ATP8A1: variants seen among roughly 807,000 people sequenced by gnomAD.
ATP8A1 encodes the protein ATPase phospholipid transporting 8A1.
A neutral mutation model predicts 177.7 loss-of-function variants in ATP8A1; 90 were observed. The observed-to-expected ratio is 0.51, with a 90% CI of 0.43 to 0.60. The LOEUF (loss-of-function observed/expected upper bound fraction) is 0.60, where lower values mean the gene tolerates loss of function less well. ATP8A1 is among the 20% of genes least tolerant of loss of function. The pLI, the probability that ATP8A1 is intolerant of heterozygous loss-of-function variation, is 0.00. For synonymous variants in ATP8A1, 493 were observed against 485.9 expected (o/e 1.01, Z -0.19); for missense variants, 1,072 against 1,392.8 (o/e 0.77, Z 3.67).
At chr4:42,493,566 G>C (rs1202293302) in intron 24 of ATP8A1, among the ~76,000 whole-genome samples, 1 of 152,086 alleles carries the variant, frequency 6.6e-6, no homozygotes, top group Non-Finnish European at 1.5e-5. Flanking sequence ...CTTCGCCAGA[G>C]TTATGTATGT....
At chr4:42,446,478 C>T in intron 31 of ATP8A1, 105 bp downstream of exon 31, 1 of 1,197,300 alleles carries the variant, frequency 8.4e-7, no homozygotes, top group South Asian at 1.5e-5. Context: ...GTAAACAACC[C>T]TTAAATCCAG....
rs543246158 is a variant in ATP8A1 at position 42,652,803 on chromosome 4, T to C, written c.49+4022A>G. ...CTCCTCCTTCACTTTCCGCCATGACTGTGAGGCCTCCCCAGCCATGTGAAA... is the reference window on the plus strand; with the variant it reads ...CTCCTCCTTCACTTTCCGCCATGACCGTGAGGCCTCCCCAGCCATGTGAAA... On this transcript the variant is annotated intron_variant, in intron 1 of 36. Coordinates refer to ENST00000381668, the MANE Select transcript of ATP8A1 (RefSeq NM_006095.2). Among the ~76,000 whole-genome samples, 4 of 152,356 alleles carry C rather than the reference T, an allele frequency of 2.6e-5. No individual in the cohort carries two copies. The East Asian group carries it at 7.7e-4, about 29-fold the overall frequency.
intron 9 of ATP8A1, among the ~76,000 whole-genome samples, chr4:42,585,912 C>T (rs529113675): frequency 2.6e-5 from 4 of 152,180 alleles, no homozygotes; most frequent in Non-Finnish European, 4.4e-5. Flanking sequence ...ATAAATTATC[C>T]AGTACAATAG....
chr4:42,475,691 A>C (rs1369056704), intron 25 of ATP8A1, among the ~76,000 whole-genome samples: 1 of 152,132 alleles, frequency 6.6e-6, no homozygotes, highest in Non-Finnish European at 1.5e-5. Flanking sequence ...GTATTAGCTC[A>C]TTTATTCTTC....
At chr4:42,594,441 G>C in intron 6 of ATP8A1, 1 of 797,886 alleles carries the variant, frequency 1.3e-6, no homozygotes, top group South Asian at 1.6e-5. Flanking sequence ...AAAAAGCATA[G>C]AATACACAGT....
chr4:42,657,043 G>A lies in ATP8A1; in HGVS notation c.-170C>T, dbSNP rs866018394. On this transcript the variant is annotated 5_prime_UTR_variant, in exon 1 of 37. Transcript: ENST00000381668. ...GGGCGCGGCCCCCGCACGCCGACAG[G>A]AGGAGGAGAAAGGCAGCGGTGGCGG... 8.4e-6 allele frequency: 5 copies of A among 595,532 alleles called. No individual in the cohort carries two copies. The highest frequency in any genetic ancestry group is 5.1e-4 in the Middle Eastern group (1 of 1,958). The allele number at this position is 595,532 out of a possible 1,614,324, so 36.9% of individuals were successfully genotyped here.
intron 8 of ATP8A1, among the ~76,000 whole-genome samples, chr4:42,587,357 G>A (rs1733722656): frequency 6.6e-6 from 1 of 150,966 alleles, no homozygotes; most frequent in South Asian, 2.1e-4. Flanking sequence ...ACCCAGGCTG[G>A]AGTGCAGTGG....
intron 4 of ATP8A1, among the ~76,000 whole-genome samples, chr4:42,618,708 CA>C (rs1737157342): frequency 6.6e-6 from 1 of 152,194 alleles, no homozygotes; most frequent in Non-Finnish European, 1.5e-5. Flanking sequence ...ATGGAGCTTA[CA>C]TTCCAGTGGT....
At chr4:42,478,565 A>C (rs9997536) in intron 25 of ATP8A1, among the ~76,000 whole-genome samples, 89,083 of 135,770 alleles carry the variant, frequency 0.66, 26,608 homozygotes, top group South Asian at 0.76. Context: ...TACACACACA[A>C]AAAAAAAACC....
intron 25 of ATP8A1, among the ~76,000 whole-genome samples, chr4:42,470,547 C>T (rs2153184927): frequency 6.6e-6 from 1 of 152,020 alleles, no homozygotes; most frequent in East Asian, 1.9e-4. Flanking sequence ...AATAATTTAT[C>T]CACTGGATTG....
chr4:42,511,381 A>G (rs1387388867), intron 22 of ATP8A1, among the ~76,000 whole-genome samples: 1 of 152,218 alleles, frequency 6.6e-6, no homozygotes, highest in East Asian at 1.9e-4. Flanking sequence ...GGAATTACAT[A>G]TTCAGCAAGT....
chr4:42,463,061 T>C (rs757272587), intron 27 of ATP8A1, among the ~76,000 whole-genome samples: 1 of 152,182 alleles, frequency 6.6e-6, no homozygotes, highest in Non-Finnish European at 1.5e-5. Context: ...TACAGGCTCA[T>C]AGGCGGAAGG....
chr4:42,633,040 T>C (rs1738912987), intron 1 of ATP8A1, among the ~76,000 whole-genome samples: 1 of 152,220 alleles, frequency 6.6e-6, no homozygotes, highest in Non-Finnish European at 1.5e-5. Context: ...GAGCCTTTAT[T>C]GAGATGTTTC....
chr4:42,583,086 G>A (rs941705708), intron 9 of ATP8A1, among the ~76,000 whole-genome samples: 1 of 152,208 alleles, frequency 6.6e-6, no homozygotes, highest in Non-Finnish European at 1.5e-5. Flanking sequence ...GGCAAAGCGA[G>A]GCTGAGGTCT....
At chr4:42,455,237 T>A in intron 29 of ATP8A1, 60 bp downstream of exon 29, 3 of 1,595,272 alleles carry the variant, frequency 1.9e-6, no homozygotes, top group Non-Finnish European at 2.6e-6. Flanking sequence ...ATACCCCATA[T>A]AATGAGGGCA....
chr4:42,459,532 T>C (rs535412484), intron 27 of ATP8A1: 2 of 353,340 alleles, frequency 5.7e-6, no homozygotes. Flanking sequence ...ATGTCAGTGT[T>C]CTGGAATGAG....
At chr4:42,422,594 G>C (rs989087836) in intron 35 of ATP8A1, among the ~76,000 whole-genome samples, 2 of 152,068 alleles carry the variant, frequency 1.3e-5, no homozygotes, top group African/African-American at 2.4e-5. Context: ...TTATTGATGA[G>C]GAAATTGAGG....
At chr4:42,607,073 T>C (rs908087571) in intron 5 of ATP8A1, among the ~76,000 whole-genome samples, 1 of 152,184 alleles carries the variant, frequency 6.6e-6, no homozygotes, top group Admixed American at 6.5e-5. Flanking sequence ...CCTAACTAAA[T>C]AGAGTAACGC....
rs767871955 is a variant in ATP8A1 at position 42,551,331 on chromosome 4, T to A, written c.1520-51A>T. 5.3e-6 allele frequency: 7 copies of A among 1,318,674 alleles called. No homozygotes were observed. The Admixed American group carries it at 8.4e-5, about 16-fold the overall frequency. 81.7% of individuals were successfully genotyped at this position (1,318,674 alleles called of 1,614,324 possible). A position where few individuals can be genotyped will look rare whatever the true frequency, so the allele number is the denominator to read the frequency against. On this transcript the variant is annotated intron_variant, in intron 17 of 36. Transcript: ENST00000381668. ...AAACACATGATTGAAAAAAAAATAT[T>A]CTCAGCACAAGAGAAGTACATTAAG...
Sources: gnomAD v4.1 joint callset for allele counts (sites outside exome capture counted in the v4.1 genomes callset) on GRCh38, gnomAD v4.1.1 for gene constraint, MANE v1.5 for transcripts, NCBI Gene and HGNC (gene_info 2026-07-23, HGNC 2026-07-21) for gene names.